The following TGFBR1 variants were observed in gnomAD, a reference collection of about 807,000 sequenced individuals.
TGFBR1 encodes transforming growth factor beta receptor 1.
In TGFBR1, 20 loss-of-function variants were observed where a neutral mutation model predicts 55.1. The observed-to-expected ratio is 0.36, with a 90% CI of 0.26 to 0.53. The LOEUF is 0.53. Ranked by LOEUF, TGFBR1 falls within the 20% of genes least tolerant of loss-of-function variation. TGFBR1 has a pLI of 0.91. For missense variants in TGFBR1, 385 were observed against 617.6 expected (o/e 0.62, Z 3.99); for synonymous variants, 220 against 214.8 (o/e 1.02, Z -0.21).
chr9:99,111,295 C>CTT (rs3034196), intron 1 of TGFBR1, among the ~76,000 whole-genome samples: 1,123 of 55,124 alleles, frequency 0.02, 239 homozygotes, highest in Non-Finnish European at 0.027. Context: ...TGCACCCATG[C>CTT]TTTTTTTTTT....
chr9:99,117,666 G>T (rs1468773960), intron 1 of TGFBR1, among the ~76,000 whole-genome samples: 2 of 152,002 alleles, frequency 1.3e-5, no homozygotes, highest in Non-Finnish European at 1.5e-5. Context: ...TATATGTGAG[G>T]GTCTGTTTCT....
At chr9:99,139,098 C>G (rs982928162) in intron 4 of TGFBR1, among the ~76,000 whole-genome samples, 1 of 151,744 alleles carries the variant, frequency 6.6e-6, no homozygotes, top group Admixed American at 6.6e-5. Flanking sequence ...GCCCAGCCCC[C>G]ACGATTCCTA....
intron 1 of TGFBR1, 143 bp from the exon 2 acceptor site, chr9:99,128,712 G>C: frequency 9.3e-7 from 1 of 1,073,504 alleles, no homozygotes; most frequent in Non-Finnish European, 1.4e-6. Context: ...GCAACAAATA[G>C]TTGTTTTTTG....
intron 4 of TGFBR1, 139 bp downstream of exon 4, chr9:99,138,228 A>G (rs976672961): frequency 1.4e-6 from 1 of 718,992 alleles, no homozygotes; most frequent in Non-Finnish European, 2.3e-6. Context: ...GTCGAATACA[A>G]TATATTAGTA....
chr9:99,132,541 C>T lies in TGFBR1; in HGVS notation c.376C>T (p.Leu126=). 1.2e-6 allele frequency: 2 copies of T among 1,614,182 alleles called. No homozygotes were observed. Among genetic ancestry groups the T allele is most frequent in the South Asian group, 2.2e-5 (2 of 91,088 alleles). Residue 126 remains leucine (L), a synonymous_variant, in exon 3 of 9, where the codon CTG becomes TTG. Transcript: ENST00000374994. ...KSSPGLGPVE[L]AAVIAGPVCF... ...ATCACCTGGCCTTGGTCCTGTGGAA[C>T]TGGCAGCTGTCATTGCTGGACCAGT...
At chr9:99,106,200 A>G (rs1826410636) in intron 1 of TGFBR1, among the ~76,000 whole-genome samples, 2 of 152,206 alleles carry the variant, frequency 1.3e-5, no homozygotes, top group Admixed American at 6.5e-5. Context: ...GTGACAGTTA[A>G]TAGTTTGATT....
intron 1 of TGFBR1, among the ~76,000 whole-genome samples, chr9:99,108,378 C>T (rs188417796): frequency 3.9e-5 from 6 of 152,316 alleles, no homozygotes; most frequent in Admixed American, 3.9e-4. Flanking sequence ...TGCTAAAGAG[C>T]AGGACTGATG....
chr9:99,128,712 G>A lies in TGFBR1; in HGVS notation c.98-143G>A, dbSNP rs768088649. ...TTGAAACTTCTAAGAGCAACAAATA[G>A]TTGTTTTTTGCTTCTAAGAGCAACA... is the stretch of plus-strand genomic sequence containing the variant. On this transcript the variant is annotated intron_variant, in intron 1 of 8. Coordinates refer to ENST00000374994, the MANE Select transcript of TGFBR1 (RefSeq NM_004612.4). The A allele has an allele frequency of 1.9e-5, 20 of 1,073,386 alleles. No individual in the cohort carries two copies. In the Admixed American group the frequency reaches 3.7e-4, roughly 20 times the overall value. The allele number at this position is 1,073,386 out of a possible 1,614,324, so 66.5% of individuals were successfully genotyped here. A position where few individuals can be genotyped will look rare whatever the true frequency, so the allele number is the denominator to read the frequency against.
chr9:99,137,569 C>G (rs555965041), intron 3 of TGFBR1, among the ~76,000 whole-genome samples: 1 of 152,304 alleles, frequency 6.6e-6, no homozygotes, highest in South Asian at 2.1e-4. Context: ...CCTGCACATT[C>G]TTCCTGCCTA....
intron 1 of TGFBR1, among the ~76,000 whole-genome samples, chr9:99,124,287 G>A (rs1444433243): frequency 1.3e-5 from 2 of 152,058 alleles, no homozygotes; most frequent in African/African-American, 4.8e-5. Context: ...AACTACTCAA[G>A]TGCAAATACC....
At chr9:99,119,214 C>T (rs1040713877) in intron 1 of TGFBR1, among the ~76,000 whole-genome samples, 1 of 152,222 alleles carries the variant, frequency 6.6e-6, no homozygotes, top group African/African-American at 2.4e-5. Flanking sequence ...CCAGGTATTG[C>T]TCTCCTCTGC....
chr9:99,123,524 T>C (rs1361567550), intron 1 of TGFBR1, among the ~76,000 whole-genome samples: 3 of 152,138 alleles, frequency 2.0e-5, no homozygotes, highest in Non-Finnish European at 2.9e-5. Context: ...GGGATAGTGG[T>C]ATAGCAAATA....
At chr9:99,131,363 G>A (rs1827218998) in intron 2 of TGFBR1, among the ~76,000 whole-genome samples, 1 of 152,154 alleles carries the variant, frequency 6.6e-6, no homozygotes, top group South Asian at 2.1e-4. Context: ...GTACAAGGGT[G>A]CATGGACTCT....
chr9:99,123,272 G>T (rs1384798253), intron 1 of TGFBR1, among the ~76,000 whole-genome samples: 1 of 152,084 alleles, frequency 6.6e-6, no homozygotes, highest in Non-Finnish European at 1.5e-5. Context: ...TACTTTGATT[G>T]TAAATTGTAT....
chr9:99,106,170 C>T (rs1185144184), intron 1 of TGFBR1, among the ~76,000 whole-genome samples: 1 of 152,228 alleles, frequency 6.6e-6, no homozygotes, highest in Middle Eastern at 3.2e-3. Context: ...GAACATCACT[C>T]ACGTTGTTCC....
chr9:99,110,631 A>G (rs886803634), intron 1 of TGFBR1, among the ~76,000 whole-genome samples: 1 of 152,248 alleles, frequency 6.6e-6, no homozygotes, highest in African/African-American at 2.4e-5. Flanking sequence ...TATAAAAGAA[A>G]GACACTGCTT....
At chr9:99,105,437 C>T (rs1826381023) in intron 1 of TGFBR1, 135 bp downstream of exon 1, 3 of 773,580 alleles carry the variant, frequency 3.9e-6, no homozygotes, top group African/African-American at 1.9e-5. Context: ...GGGCCGGGCT[C>T]TCGTGGCGCC....
chr9:99,150,864 T>C lies in TGFBR1; in HGVS notation c.*1559T>C, dbSNP rs1189004966. ...AAACTAGCTTATAATAACTGGTTTTTACTTCCAATGCTATGAAGTCTCTGC... is the reference window on the plus strand; with the variant it reads ...AAACTAGCTTATAATAACTGGTTTTCACTTCCAATGCTATGAAGTCTCTGC... On this transcript the variant is annotated 3_prime_UTR_variant, in exon 9 of 9. Transcript: ENST00000374994. The C allele has an allele frequency of 1.4e-5, 3 of 220,932 alleles. No homozygotes were observed. The East Asian group carries it at 2.0e-4, about 15-fold the overall frequency. The allele number at this position is 220,932 out of a possible 1,614,324, so 13.7% of individuals were successfully genotyped here. A position where few individuals can be genotyped will look rare whatever the true frequency, so the allele number is the denominator to read the frequency against.
upstream of TGFBR1, chr9:99,105,075 C>T: frequency 1.5e-6 from 1 of 682,834 alleles, no homozygotes; most frequent in Non-Finnish European, 1.9e-6. Context: ...GACGCGCGTC[C>T]TCCGAGCAGT....
Sources: gnomAD v4.1 joint callset for allele counts (sites outside exome capture counted in the v4.1 genomes callset) on GRCh38, gnomAD v4.1.1 for gene constraint, MANE v1.5 for transcripts, NCBI Gene and HGNC (gene_info 2026-07-23, HGNC 2026-07-21) for gene names.